The following MS4A4E variants were observed in gnomAD, a reference collection of about 807,000 sequenced individuals.
The protein encoded by MS4A4E is putative membrane-spanning 4-domains subfamily A member 4E.
MS4A4E carries 23 observed loss-of-function variants against 13.3 expected under a neutral mutation model. The ratio of observed to expected loss-of-function variants is 1.73; its 90% CI spans 1.25 to 2.45. The LOEUF is 2.45. Ranked by LOEUF, MS4A4E falls within the 30% of genes most tolerant of loss-of-function variation. The probability of loss-of-function intolerance (pLI) is 0.00; values close to 1 mark genes in which losing one functional copy is unlikely to be tolerated. For missense variants in MS4A4E, 144 were observed against 131.2 expected (o/e 1.10, Z -0.48); for synonymous variants, 36 against 45.6 (o/e 0.79, Z 0.85).
chr11:60,226,984 T>G (rs1208612672), intron 3 of MS4A4E, among the ~76,000 whole-genome samples: 1 of 152,204 alleles, frequency 6.6e-6, no homozygotes, highest in African/African-American at 2.4e-5. Flanking sequence ...TCTTATGTAC[T>G]TATAGTAAAT....
chr11:60,203,646 G>C lies in MS4A4E; in HGVS notation c.659+1244C>G, dbSNP rs571367508. ...TGCCTGTAAGCCCAGCTACTTGGGAGGCTGAGGTGCGAGGATGGCTTAAGC... is the reference window on the plus strand; with the variant it reads ...TGCCTGTAAGCCCAGCTACTTGGGACGCTGAGGTGCGAGGATGGCTTAAGC... On this transcript the variant is annotated intron_variant, in intron 8 of 8. Coordinates refer to ENST00000651255, the MANE Select transcript of MS4A4E (RefSeq NM_001393391.1). Among the ~76,000 whole-genome samples the C allele has an allele frequency of 1.6e-4, 24 of 152,316 alleles. No individual in the cohort carries two copies. The South Asian group carries it at 4.6e-3, about 29-fold the overall frequency.
chr11:60,210,358 A>G (rs1590706766), intron 5 of MS4A4E, among the ~76,000 whole-genome samples: 1 of 152,288 alleles, frequency 6.6e-6, no homozygotes, highest in South Asian at 2.1e-4. Context: ...AAAAATGTTT[A>G]CACAATTAAC....
At chr11:60,207,308 T>C (rs1459808349) in intron 6 of MS4A4E, among the ~76,000 whole-genome samples, 2 of 152,118 alleles carry the variant, frequency 1.3e-5, no homozygotes, top group African/African-American at 4.8e-5. Flanking sequence ...AACCAGGGGA[T>C]TAGGGAAACA....
At chr11:60,218,146 C>G (rs191151764) in intron 3 of MS4A4E, among the ~76,000 whole-genome samples, 1 of 152,236 alleles carries the variant, frequency 6.6e-6, no homozygotes, top group Non-Finnish European at 1.5e-5. Context: ...GTGAAATAGA[C>G]CCCAGTCTCC....
chr11:60,228,578 T>C lies in MS4A4E; in HGVS notation c.178+16A>G, dbSNP rs1234459811. ...CTAAACATACTCTTACAATACAATATAGTAATCATACTTACCCGAATGAGT... is the reference window on the plus strand; with the variant it reads ...CTAAACATACTCTTACAATACAATACAGTAATCATACTTACCCGAATGAGT... On this transcript the variant is annotated intron_variant, in intron 3 of 8. Coordinates refer to ENST00000651255, the MANE Select transcript of MS4A4E (RefSeq NM_001393391.1). 4 of 693,524 alleles carry C rather than the reference T, an allele frequency of 5.8e-6. No individual in the cohort carries two copies. The highest frequency in any genetic ancestry group is 1.1e-5 in the Non-Finnish European group (4 of 380,870). The allele number at this position is 693,524 out of a possible 1,614,324, so 43.0% of individuals were successfully genotyped here. A position where few individuals can be genotyped will look rare whatever the true frequency, so the allele number is the denominator to read the frequency against.
At chr11:60,217,151 G>A (rs1386642420) in intron 3 of MS4A4E, among the ~76,000 whole-genome samples, 1 of 152,140 alleles carries the variant, frequency 6.6e-6, no homozygotes, top group Non-Finnish European at 1.5e-5. Flanking sequence ...CAGATACTGA[G>A]CCTCAAATCT....
chr11:60,216,022 T>G (rs1039438963), intron 3 of MS4A4E, among the ~76,000 whole-genome samples: 1 of 152,124 alleles, frequency 6.6e-6, no homozygotes, highest in African/African-American at 2.4e-5. Context: ...GGAATAGAAC[T>G]GAAGAGGCCA....
At chr11:60,234,685 A>AT (rs1369055684) in intron 1 of MS4A4E, among the ~76,000 whole-genome samples, 3 of 152,246 alleles carry the variant, frequency 2.0e-5, no homozygotes, top group Middle Eastern at 3.4e-3. Flanking sequence ...TACATGAAAG[A>AT]TAAAAAAAAT....
chr11:60,215,620 T>TA (rs1041365069), intron 3 of MS4A4E, among the ~76,000 whole-genome samples: 4 of 150,540 alleles, frequency 2.7e-5, no homozygotes, highest in South Asian at 4.2e-4. Context: ...GTTTAATGAT[T>TA]AAAAAAAAAG....
In MS4A4E at chr11:60,243,088, T is replaced by C; in HGVS notation, c.-147A>G. ...CACCTCACTCAGTTTAAATCTGCAC[T>C]CCTTTTCTAGTAGATGTTTGGAACC... On this transcript the variant is annotated 5_prime_UTR_variant, in exon 1 of 9. Transcript: ENST00000651255. 1 of 703,956 alleles carries C rather than the reference T, an allele frequency of 1.4e-6. No homozygotes were observed. Among genetic ancestry groups the C allele is most frequent in the East Asian group, 3.0e-5 (1 of 33,812 alleles). 43.6% of individuals were successfully genotyped at this position (703,956 alleles called of 1,614,324 possible).
At chr11:60,228,266 T>TA (rs1265624162) in intron 3 of MS4A4E, among the ~76,000 whole-genome samples, 4 of 152,002 alleles carry the variant, frequency 2.6e-5, no homozygotes, top group African/African-American at 9.6e-5. Flanking sequence ...ACATCCCAAT[T>TA]AAAAAAATGT....
Position 60,200,739 on chromosome 11 carries a change from C to CT in MS4A4E, c.*803dup, listed in dbSNP as rs1488224542. Reference sequence around the variant, plus strand: ...TCCGATTTCTCAATCTTTTCCCCACCTTTCCCCCCTTTCTATTCCACAAAA... The same window carrying CT: ...TCCGATTTCTCAATCTTTTCCCCACCTTTTCCCCCCTTTCTATTCCACAAAA... On this transcript the variant is annotated 3_prime_UTR_variant, in exon 9 of 9. Transcript: ENST00000651255. 1.3e-5 allele frequency among the ~76,000 whole-genome samples: 2 copies of CT among 152,242 alleles called. No individual in the cohort carries two copies. The highest frequency in any genetic ancestry group is 2.9e-5 in the Non-Finnish European group (2 of 68,030).
rs967525990 is a variant in MS4A4E, at chr11:60,243,004, G to A, written c.-63C>T. On this transcript the variant is annotated 5_prime_UTR_variant, in exon 1 of 9. Coordinates refer to ENST00000651255, the MANE Select transcript of MS4A4E (RefSeq NM_001393391.1). ...CTGCTGCAGGTCTGATGAGTGCAGG[G>A]CTCTGGGCAAGTTCCTCAAAGTTCT... The A allele has an allele frequency of 3.2e-6, 5 of 1,554,986 alleles. No individual in the cohort carries two copies. Among genetic ancestry groups the A allele is most frequent in the Non-Finnish European group, 3.5e-6 (4 of 1,142,222 alleles).
chr11:60,224,989 C>T (rs562944261), intron 3 of MS4A4E: 53 of 1,533,780 alleles, frequency 3.5e-5, no homozygotes, highest in Middle Eastern at 1.7e-4. Flanking sequence ...AAATTGTGTA[C>T]GCAACATACA....
At position 60,228,073 on chromosome 11, in the gene MS4A4E, C is replaced by T. The variant is rs144134742; in HGVS notation, c.178+521G>A. Among the ~76,000 whole-genome samples, 583 of 152,140 alleles carry T rather than the reference C, an allele frequency of 3.8e-3. 4 individuals carry two copies. The highest frequency in any genetic ancestry group is 0.013 in the African/African-American group (527 of 41,490). ...GTCAATACAATACCAAAGGCACAAC[C>T]CATGAAATACCGAATTAATCATCTT... is the stretch of plus-strand genomic sequence containing the variant. On this transcript the variant is annotated intron_variant, in intron 3 of 8. Coordinates refer to ENST00000651255, the MANE Select transcript of MS4A4E (RefSeq NM_001393391.1).
intron 5 of MS4A4E, among the ~76,000 whole-genome samples, chr11:60,211,167 G>A (rs908949185): frequency 6.6e-6 from 1 of 152,158 alleles, no homozygotes; most frequent in Non-Finnish European, 1.5e-5. Flanking sequence ...GATAGCAATA[G>A]CAAATAAGAG....
chr11:60,236,760 C>T (rs190649341), intron 1 of MS4A4E, among the ~76,000 whole-genome samples: 43 of 150,544 alleles, frequency 2.9e-4, no homozygotes, highest in African/African-American at 9.3e-4. Context: ...ATTTTGAAAC[C>T]GAGTCTTGCT....
At chr11:60,236,013 T>C (rs575385986) in intron 1 of MS4A4E, among the ~76,000 whole-genome samples, 7 of 152,366 alleles carry the variant, frequency 4.6e-5, no homozygotes, top group Admixed American at 1.3e-4. Flanking sequence ...CATGATTTGC[T>C]AAACAGACTA....
chr11:60,202,130 A>C (rs891225561), intron 8 of MS4A4E, among the ~76,000 whole-genome samples: 9 of 152,236 alleles, frequency 5.9e-5, no homozygotes, highest in African/African-American at 2.2e-4. Context: ...TCAACCCAGC[A>C]GAGCAGCCAC....
Sources: gnomAD v4.1 joint callset for allele counts (sites outside exome capture counted in the v4.1 genomes callset) on GRCh38, gnomAD v4.1.1 for gene constraint, MANE v1.5 for transcripts, NCBI Gene and HGNC (gene_info 2026-07-23, HGNC 2026-07-21) for gene names.